Variants in DAP observed in about 807,000 individuals in gnomAD.
The protein encoded by DAP is death-associated protein 1.
Under a neutral mutation model 13.8 loss-of-function variants are expected in DAP, and 8 were observed. The observed-to-expected ratio is 0.58, with a 90% CI of 0.34 to 1.05. The LOEUF (loss-of-function observed/expected upper bound fraction) is 1.05, where lower values mean the gene tolerates loss of function less well. Among genes scored for constraint, DAP ranks in the 50% least tolerant of loss-of-function variants. The probability of loss-of-function intolerance (pLI) is 0.03; values close to 1 mark genes in which losing one functional copy is unlikely to be tolerated. For missense variants in DAP, 106 were observed against 133.2 expected, an observed-to-expected ratio of 0.80 and a Z score of 1.01; for synonymous variants, 47 against 47.5, an observed-to-expected ratio of 0.99 and a Z score of 0.04.
chr5:10,699,140 G>A (rs1738503981), intron 2 of DAP, among the ~76,000 whole-genome samples: 1 of 152,170 alleles, frequency 6.6e-6, no homozygotes, highest in African/African-American at 2.4e-5. Context: ...ATCTATATTG[G>A]AAGACTGGCC....
chr5:10,689,880 T>C (rs557802890), intron 2 of DAP, among the ~76,000 whole-genome samples: 1 of 152,250 alleles, frequency 6.6e-6, no homozygotes. Context: ...GGACAGGGAA[T>C]GTCACTCAGT....
At chr5:10,681,217 G>A in intron 3 of DAP, 48 bp from the exon 4 acceptor site, 1 of 1,418,050 alleles carries the variant, frequency 7.1e-7, no homozygotes, top group Non-Finnish European at 9.3e-7. Flanking sequence ...GAAGCATGGG[G>A]TTTGTGGGTG....
chr5:10,740,368 A>G (rs552880323), intron 2 of DAP, among the ~76,000 whole-genome samples: 1 of 152,352 alleles, frequency 6.6e-6, no homozygotes, highest in South Asian at 2.1e-4. Context: ...TGAAGCAAGG[A>G]TATTTTTGAA....
At chr5:10,685,638 T>C (rs540785424) in intron 2 of DAP, among the ~76,000 whole-genome samples, 19 of 152,344 alleles carry the variant, frequency 1.2e-4, no homozygotes, top group African/African-American at 4.1e-4. Context: ...AATCATATAG[T>C]ATCATCTTCA....
intron 1 of DAP, among the ~76,000 whole-genome samples, chr5:10,750,395 G>GT (rs1740017190): frequency 1.3e-5 from 2 of 152,148 alleles, no homozygotes; most frequent in African/African-American, 4.8e-5. Context: ...GCAGCTGGCT[G>GT]TTAGAAAAGG....
chr5:10,695,107 G>A (rs962808377), intron 2 of DAP, among the ~76,000 whole-genome samples: 26 of 152,362 alleles, frequency 1.7e-4, no homozygotes, highest in African/African-American at 5.1e-4. Context: ...CATGGCTGGT[G>A]AGCAGAGGGA....
intron 2 of DAP, among the ~76,000 whole-genome samples, chr5:10,715,921 C>T (rs142348306): frequency 3.3e-5 from 5 of 152,186 alleles, no homozygotes; most frequent in Admixed American, 6.5e-5. Context: ...GGAAACCTCT[C>T]GATAATACAC....
intron 2 of DAP, among the ~76,000 whole-genome samples, chr5:10,728,488 G>C (rs1184569496): frequency 6.6e-6 from 1 of 152,190 alleles, no homozygotes; most frequent in Non-Finnish European, 1.5e-5. Context: ...CCTATTTTCA[G>C]AGCTTCAGGG....
intron 1 of DAP, among the ~76,000 whole-genome samples, chr5:10,758,206 C>CT (rs201315835): frequency 0.014 from 2,014 of 142,258 alleles, 54 homozygotes; most frequent in African/African-American, 0.043. Flanking sequence ...AGTGGGCCGC[C>CT]TTTTTTTTTT....
chr5:10,742,186 A>G (rs1187899686), intron 2 of DAP, among the ~76,000 whole-genome samples: 6 of 152,140 alleles, frequency 3.9e-5, no homozygotes, highest in Non-Finnish European at 7.4e-5. Context: ...TTGTTAATTC[A>G]ATTATTTATG....
At chr5:10,755,392 CTG>C (rs1451265857) in intron 1 of DAP, among the ~76,000 whole-genome samples, 1 of 152,216 alleles carries the variant, frequency 6.6e-6, no homozygotes, top group Non-Finnish European at 1.5e-5. Flanking sequence ...CATAATAAAA[CTG>C]TGTTGTTTAG....
At chr5:10,721,578 G>T (rs1561021921) in intron 2 of DAP, among the ~76,000 whole-genome samples, 1 of 152,210 alleles carries the variant, frequency 6.6e-6, no homozygotes. Flanking sequence ...GTGTCTCTTA[G>T]TCTTACCATT....
At chr5:10,713,301 A>G (rs1738897928) in intron 2 of DAP, among the ~76,000 whole-genome samples, 2 of 152,192 alleles carry the variant, frequency 1.3e-5, no homozygotes, top group African/African-American at 2.4e-5. Context: ...TTCTGTGGCT[A>G]ACCAAGTCTA....
chr5:10,755,546 T>C (rs756869143), intron 1 of DAP, among the ~76,000 whole-genome samples: 9 of 152,158 alleles, frequency 5.9e-5, no homozygotes, highest in Non-Finnish European at 1.3e-4. Flanking sequence ...AATGAAAAGC[T>C]AGTGTTATAC....
At chr5:10,696,817 G>T (rs1738449322) in intron 2 of DAP, among the ~76,000 whole-genome samples, 1 of 152,106 alleles carries the variant, frequency 6.6e-6, no homozygotes, top group South Asian at 2.1e-4. Context: ...TCACTCCTTT[G>T]TTCTAAGCAT....
At chr5:10,704,300 T>G (rs369953555) in intron 2 of DAP, among the ~76,000 whole-genome samples, 24 of 152,348 alleles carry the variant, frequency 1.6e-4, no homozygotes, top group African/African-American at 5.8e-4. Flanking sequence ...AAGTAGGATT[T>G]AGGGACCATA....
intron 2 of DAP, among the ~76,000 whole-genome samples, chr5:10,698,395 G>A (rs56351273): frequency 0.066 from 9,948 of 150,774 alleles, 364 homozygotes; most frequent in African/African-American, 0.094. Flanking sequence ...GATAACTTAC[G>A]TTCAACCCAA....
intron 2 of DAP, among the ~76,000 whole-genome samples, chr5:10,721,807 A>C (rs1453326384): frequency 6.6e-6 from 1 of 152,258 alleles, no homozygotes; most frequent in African/African-American, 2.4e-5. Flanking sequence ...TGTAATTGTC[A>C]TGAGTATTTC....
intron 2 of DAP, among the ~76,000 whole-genome samples, chr5:10,686,575 ACAACATTCCCTTAAG>A (rs1738160301): frequency 6.6e-6 from 1 of 152,256 alleles, no homozygotes; most frequent in Non-Finnish European, 1.5e-5. Context: ...AAGACAAGCC[ACAACATTCCCTTAAG>A]CCAAAGTCTA....
Sources: gnomAD v4.1 joint callset for allele counts (sites outside exome capture counted in the v4.1 genomes callset) on GRCh38, gnomAD v4.1.1 for gene constraint, MANE v1.5 for transcripts, NCBI Gene and HGNC (gene_info 2026-07-23, HGNC 2026-07-21) for gene names.